AUTS2: variants seen among roughly 807,000 people sequenced by gnomAD.
AUTS2 encodes the protein activator of transcription and developmental regulator AUTS2.
In AUTS2, 17 loss-of-function variants were observed where a neutral mutation model predicts 112.4. That is an observed-to-expected ratio of 0.15 (90% CI 0.10 to 0.23). AUTS2 has a LOEUF of 0.23. Among genes scored for constraint, AUTS2 ranks in the 10% least tolerant of loss-of-function variants. AUTS2 has a pLI of 1.00. For missense variants in AUTS2, 1,510 were observed against 1,701.6 expected (o/e 0.89, Z 1.98); for synonymous variants, 751 against 702.7 (o/e 1.07, Z -1.09).
At chr7:70,151,976 T>G (rs1359831131) in intron 4 of AUTS2, among the ~76,000 whole-genome samples, 2 of 152,178 alleles carry the variant, frequency 1.3e-5, no homozygotes, top group Non-Finnish European at 2.9e-5. Context: ...ATTCCGTATG[T>G]TCAGACAGTT....
intron 6 of AUTS2, among the ~76,000 whole-genome samples, chr7:70,700,680 C>A (rs1400857482): frequency 6.6e-6 from 1 of 152,132 alleles, no homozygotes; most frequent in Non-Finnish European, 1.5e-5. Flanking sequence ...ATCAGGAAAA[C>A]AACTTCAAAA....
At chr7:70,194,305 G>A (rs1810058508) in intron 4 of AUTS2, among the ~76,000 whole-genome samples, 1 of 152,154 alleles carries the variant, frequency 6.6e-6, no homozygotes, top group East Asian at 1.9e-4. Flanking sequence ...AGCTACTCAG[G>A]AGGCTGAGGC....
At chr7:70,181,098 A>C (rs181305712) in intron 4 of AUTS2, among the ~76,000 whole-genome samples, 1 of 152,218 alleles carries the variant, frequency 6.6e-6, no homozygotes, top group Non-Finnish European at 1.5e-5. Flanking sequence ...TTTAAATGGA[A>C]GATGATGCTT....
At chr7:70,535,180 G>A (rs181920619) in intron 5 of AUTS2, among the ~76,000 whole-genome samples, 28 of 152,242 alleles carry the variant, frequency 1.8e-4, no homozygotes, top group Non-Finnish European at 3.7e-4. Flanking sequence ...AAATGGGGAT[G>A]ATTATAACTG....
chr7:69,839,288 T>C (rs1452824318), intron 1 of AUTS2, among the ~76,000 whole-genome samples: 1 of 152,150 alleles, frequency 6.6e-6, no homozygotes, highest in Non-Finnish European at 1.5e-5. Context: ...ACCTTGTAAG[T>C]ACCTGATTTT....
chr7:70,354,340 G>A (rs182151146), intron 4 of AUTS2, among the ~76,000 whole-genome samples: 5 of 152,294 alleles, frequency 3.3e-5, no homozygotes, highest in South Asian at 2.1e-4. Flanking sequence ...AATAGCTTTC[G>A]TAAAACATGT....
At chr7:70,330,987 G>T (rs576960387) in intron 4 of AUTS2, among the ~76,000 whole-genome samples, 1 of 152,004 alleles carries the variant, frequency 6.6e-6, no homozygotes, top group South Asian at 2.1e-4. Flanking sequence ...AATGTTCATC[G>T]CAGATATTGG....
rs1397278416 is a variant in AUTS2 at position 70,622,439 on chromosome 7, A to G, written c.691-76130A>G. ...AACACGGTGTTCAGCCAGGTTCCAT[A>G]GCTCCCGTCATCCCCACCGTTGCTA... On this transcript the variant is annotated intron_variant, in intron 5 of 18. Coordinates refer to ENST00000342771, the MANE Select transcript of AUTS2 (RefSeq NM_015570.4). 2.6e-5 allele frequency among the ~76,000 whole-genome samples: 4 copies of G among 151,936 alleles called. No homozygotes were observed. In the East Asian group the frequency reaches 5.8e-4, roughly 22 times the overall value.
chr7:70,534,607 G>A (rs1286761259), intron 5 of AUTS2, among the ~76,000 whole-genome samples: 3 of 152,140 alleles, frequency 2.0e-5, no homozygotes, highest in Non-Finnish European at 4.4e-5. Flanking sequence ...TGTATTTTTA[G>A]TAGAGAAGGG....
chr7:70,035,293 T>A (rs1263459036), intron 2 of AUTS2, among the ~76,000 whole-genome samples: 1 of 152,156 alleles, frequency 6.6e-6, no homozygotes, highest in Non-Finnish European at 1.5e-5. Context: ...GTGACATGCC[T>A]CTCTAAGTTT....
chr7:70,486,062 G>C (rs1274838127), intron 5 of AUTS2, among the ~76,000 whole-genome samples: 1 of 151,976 alleles, frequency 6.6e-6, no homozygotes, highest in Non-Finnish European at 1.5e-5. Flanking sequence ...AGGGGCATCG[G>C]GATAAACTGT....
intron 2 of AUTS2, among the ~76,000 whole-genome samples, chr7:69,924,730 T>C (rs1274308841): frequency 6.6e-6 from 1 of 152,136 alleles, no homozygotes; most frequent in Non-Finnish European, 1.5e-5. Flanking sequence ...TTTGTATTTT[T>C]AGTAGAGATG....
chr7:70,698,893 C>T (rs1448364042), intron 6 of AUTS2: 2 of 297,764 alleles, frequency 6.7e-6, no homozygotes, highest in Admixed American at 1.0e-4. Context: ...AAGCTGTACT[C>T]GAGAAGAATA....
At chr7:69,672,122 C>T (rs749778690) in intron 1 of AUTS2, among the ~76,000 whole-genome samples, 4 of 151,804 alleles carry the variant, frequency 2.6e-5, no homozygotes, top group Non-Finnish European at 4.4e-5. Flanking sequence ...TGCAGTGGCA[C>T]GATCTCAGCT....
chr7:69,960,292 C>T (rs1562996436), intron 2 of AUTS2, among the ~76,000 whole-genome samples: 2 of 152,112 alleles, frequency 1.3e-5, no homozygotes, highest in South Asian at 4.1e-4. Flanking sequence ...AGAGGGAGAG[C>T]TAAGTAACCA....
At position 69,912,390 on chromosome 7, in the gene AUTS2, G is replaced by A. The variant is rs374216132; in HGVS notation, c.522+12892G>A. ...TCTCCCTCTCTGCCAACTCAGTGGAGGGTGGGGCTCCTGCCTGTTCCTGGC... is the reference window on the plus strand; with the variant it reads ...TCTCCCTCTCTGCCAACTCAGTGGAAGGTGGGGCTCCTGCCTGTTCCTGGC... On this transcript the variant is annotated intron_variant, in intron 2 of 18. Coordinates refer to ENST00000342771, the MANE Select transcript of AUTS2 (RefSeq NM_015570.4). 1.4e-4 allele frequency among the ~76,000 whole-genome samples: 21 copies of A among 152,294 alleles called. No homozygotes were observed. The East Asian group carries it at 2.5e-3, about 18-fold the overall frequency.
chr7:70,009,781 A>G (rs1298684078), intron 2 of AUTS2, among the ~76,000 whole-genome samples: 1 of 152,226 alleles, frequency 6.6e-6, no homozygotes, highest in Non-Finnish European at 1.5e-5. Context: ...ATGCTAAAAT[A>G]CTTGCCCAAG....
Position 70,436,236 on chromosome 7 carries a change from G to T in AUTS2, c.690+455G>T. On this transcript the variant is annotated intron_variant, in intron 5 of 18. Coordinates refer to ENST00000342771, the MANE Select transcript of AUTS2 (RefSeq NM_015570.4). Reference sequence around the variant, plus strand: ...AGAAATGTTAATGGTCTGTGTCTAGGAATCTCATCATGGGGTACGGGTGGG... The same window carrying T: ...AGAAATGTTAATGGTCTGTGTCTAGTAATCTCATCATGGGGTACGGGTGGG... 2 of 155,782 alleles carry T rather than the reference G, an allele frequency of 1.3e-5. 1 individual carries two copies. The highest frequency in any genetic ancestry group is 2.8e-5 in the Non-Finnish European group (2 of 70,412). 9.6% of individuals were successfully genotyped at this position (155,782 alleles called of 1,614,324 possible).
intron 2 of AUTS2, among the ~76,000 whole-genome samples, chr7:69,953,267 C>T (rs936479408): frequency 9.2e-5 from 14 of 152,184 alleles, no homozygotes; most frequent in Admixed American, 3.3e-4. Flanking sequence ...TCTGCTTCCA[C>T]GTGGTGATTC....
Sources: allele counts gnomAD v4.1 joint callset (sites outside exome capture counted in the v4.1 genomes callset), GRCh38; gene constraint gnomAD v4.1.1; transcripts MANE v1.5; gene names NCBI Gene and HGNC (gene_info 2026-07-23, HGNC 2026-07-21).